DSC2: variants seen among roughly 807,000 people sequenced by gnomAD.
DSC2 encodes the protein desmocollin-2.
DSC2 carries 51 observed loss-of-function variants against 87.6 expected under a neutral mutation model. The ratio of observed to expected loss-of-function variants is 0.58; its 90% CI spans 0.46 to 0.74. DSC2 has a LOEUF of 0.74. DSC2 is among the 30% of genes least tolerant of loss of function. The pLI is 0.00. For missense variants in DSC2, 1,066 were observed against 1,089.5 expected, an observed-to-expected ratio of 0.98 and a Z score of 0.30; for synonymous variants, 383 against 393.2, an observed-to-expected ratio of 0.97 and a Z score of 0.31.
At chr18:31,101,156 T>C in intron 1 of DSC2, 1 of 982,530 alleles carries the variant, frequency 1.0e-6, no homozygotes, top group Non-Finnish European at 1.2e-6. Context: ...CCTTCCTTCC[T>C]CCGAAGATTT....
chr18:31,101,571 C>A (rs903641958), intron 1 of DSC2: 138 of 296,392 alleles, frequency 4.7e-4, no homozygotes, highest in Admixed American at 1.8e-3. Flanking sequence ...CCGACCCCGG[C>A]GCACTCCCGC....
intron 1 of DSC2, among the ~76,000 whole-genome samples, chr18:31,095,178 T>C (rs1987724800): frequency 1.3e-5 from 2 of 152,208 alleles, no homozygotes; most frequent in South Asian, 4.1e-4. Flanking sequence ...ACCAGTTTTC[T>C]AACCAGGGAA....
At chr18:31,091,192 T>C (rs1163125319) in intron 3 of DSC2, 45 bp from the exon 4 acceptor site, 1 of 1,607,708 alleles carries the variant, frequency 6.2e-7, no homozygotes, top group Admixed American at 1.7e-5. Context: ...AATGACTACT[T>C]TATTCTCAAA....
chr18:31,093,545 T>C lies in DSC2; in HGVS notation c.154+14A>G. Reference sequence around the variant, plus strand: ...GCAAAACAGGATTTATTACAAATTTTAGGGCTTCCTTACCTCTACCAACAA... The same window carrying C: ...GCAAAACAGGATTTATTACAAATTTCAGGGCTTCCTTACCTCTACCAACAA... On this transcript the variant is annotated intron_variant, in intron 2 of 15. Transcript: ENST00000280904. 6.3e-7 allele frequency: 1 copy of C among 1,591,874 alleles called. No individual in the cohort carries two copies.
rs1987267618 is a variant in DSC2, at chr18:31,082,784, C to G, written c.1077+142G>C. 6.6e-6 allele frequency: 6 copies of G among 907,594 alleles called. No individual in the cohort carries two copies. The South Asian group carries it at 8.8e-5, about 13-fold the overall frequency. The allele number at this position is 907,594 out of a possible 1,614,324, so 56.2% of individuals were successfully genotyped here. A position where few individuals can be genotyped will look rare whatever the true frequency, so the allele number is the denominator to read the frequency against. On this transcript the variant is annotated intron_variant, in intron 8 of 15. Coordinates refer to ENST00000280904, the MANE Select transcript of DSC2 (RefSeq NM_024422.6). ...TGTTGGCCAGGCTGTTCTCAAACTC[C>G]TGACCTCAGGTGATCCGCCCGCCTC...
At chr18:31,094,214 C>T (rs573846182) in intron 1 of DSC2, among the ~76,000 whole-genome samples, 63 of 152,180 alleles carry the variant, frequency 4.1e-4, no homozygotes, top group Admixed American at 2.3e-3. Context: ...TGTTTCAGTA[C>T]ATTTTTAATT....
intron 1 of DSC2, among the ~76,000 whole-genome samples, chr18:31,096,860 T>C (rs17799852): frequency 0.28 from 41,790 of 151,748 alleles, 6,160 homozygotes; most frequent in South Asian, 0.47. Flanking sequence ...GATAGGAAGA[T>C]GTAAAAAAAA....
chr18:31,082,522 A>T, intron 8 of DSC2, 99 bp from the exon 9 acceptor site: 1 of 1,096,094 alleles, frequency 9.1e-7, no homozygotes. Context: ...CCAAAGTACT[A>T]TGTTTACATG....
At position 31,091,131 on chromosome 18, in the gene DSC2, T is replaced by C. The variant is rs794728061; in HGVS notation, c.371A>G (p.His124Arg). 4 of 1,614,026 alleles carry C rather than the reference T, an allele frequency of 2.5e-6. No individual in the cohort carries two copies. The highest frequency in any genetic ancestry group is 2.2e-5 in the East Asian group (1 of 44,870). The change falls in exon 4 of 16, where the codon CAT becomes CGT. Residue 124 changes from histidine to arginine, a missense_variant. Physicochemically the swap from His to Arg is conservative, Grantham distance 29. Transcript: ENST00000280904. Reference sequence around the variant, plus strand: ...GCGCCTTAGAACTTTTTCTTTAGTATGTCTTTTCTTTAGGACCTCAATTCA... The same window carrying C: ...GCGCCTTAGAACTTTTTCTTTAGTACGTCTTTTCTTTAGGACCTCAATTCA... ...EHQTKVLKKR[H>R]TKEKVLRRAK...
At chr18:31,100,169 G>T (rs1334033662) in intron 1 of DSC2, among the ~76,000 whole-genome samples, 4 of 152,208 alleles carry the variant, frequency 2.6e-5, no homozygotes, top group African/African-American at 9.7e-5. Flanking sequence ...CCAGCAGAAT[G>T]AGAGTGTAGG....
At chr18:31,101,148 T>C in intron 1 of DSC2, 2 of 979,478 alleles carry the variant, frequency 2.0e-6, no homozygotes, top group Non-Finnish European at 2.4e-6. Flanking sequence ...AGAAAGACCC[T>C]TCCTTCCTCC....
chr18:31,085,312 G>C (rs899703992), intron 7 of DSC2, among the ~76,000 whole-genome samples: 1 of 151,688 alleles, frequency 6.6e-6, no homozygotes, highest in African/African-American at 2.4e-5. Context: ...AAAAACATTT[G>C]GAAAAATGCA....
In DSC2 at chr18:31,064,652, G is replaced by T. The variant is rs989641002; in HGVS notation, c.*3363C>A. 4 of 152,138 alleles carry T rather than the reference G, an allele frequency of 2.6e-5. No homozygotes were observed. Among genetic ancestry groups the T allele is most frequent in the Non-Finnish European group, 5.9e-5 (4 of 68,048 alleles). 9.4% of individuals were successfully genotyped at this position (152,138 alleles called of 1,614,324 possible). On this transcript the variant is annotated 3_prime_UTR_variant, in exon 16 of 16. Transcript: ENST00000280904. ...GTTTGAAGTGCTAGGTTAACAGGGG[G>T]CTCGCAGGGGAGCTGATATAAGAGC... is the stretch of plus-strand genomic sequence containing the variant.
Position 31,063,700 on chromosome 18 carries a change from T to TA in DSC2, c.*4314dup, listed in dbSNP as rs1202457307. On this transcript the variant is annotated 3_prime_UTR_variant, in exon 16 of 16. Coordinates refer to ENST00000280904, the MANE Select transcript of DSC2 (RefSeq NM_024422.6). ...CAACTTTATGATGGTGTCAAAGAAA[T>TA]ATGCATTCAGCATTCTCCTACACTT... 6.6e-6 allele frequency: 1 copy of TA among 152,156 alleles called. No homozygotes were observed. Among genetic ancestry groups the TA allele is most frequent in the African/African-American group, 2.4e-5 (1 of 41,446 alleles). 9.4% of individuals were successfully genotyped at this position (152,156 alleles called of 1,614,324 possible).
intron 7 of DSC2, 152 bp downstream of exon 7, chr18:31,086,424 A>G: frequency 2.2e-6 from 2 of 923,716 alleles, no homozygotes; most frequent in Non-Finnish European, 3.4e-6. Context: ...GCATACTCCA[A>G]GGTTATTTAG....
Position 31,068,927 on chromosome 18 carries a change from C to G in DSC2, c.2475G>C (p.Glu825Asp), listed in dbSNP as rs776401728. The change falls in exon 15 of 16, where the codon GAG becomes GAC. Residue 825 changes from glutamate (E) to aspartate (D), a missense_variant. By Grantham distance (45) the Glu-to-Asp change is conservative. Coordinates refer to ENST00000280904, the MANE Select transcript of DSC2 (RefSeq NM_024422.6). Reference sequence around the variant, plus strand: ...GACGGGGCTGAGTAAAACTGTGCCACTCCGAGTAAGTGTATCTGCAGTTGT... The same window carrying G: ...GACGGGGCTGAGTAAAACTGTGCCAGTCCGAGTAAGTGTATCTGCAGTTGT... ...EVDNCRYTYS[E>D]WHSFTQPRLG... 3.1e-6 allele frequency: 5 copies of G among 1,613,866 alleles called. No individual in the cohort carries two copies. In the Admixed American group the frequency reaches 8.3e-5, roughly 27 times the overall value.
In DSC2 at chr18:31,082,554, C is replaced by A. The variant is rs561235362; in HGVS notation, c.1078-131G>T. 42 of 859,052 alleles carry A rather than the reference C, an allele frequency of 4.9e-5. No individual in the cohort carries two copies. The African/African-American group carries it at 6.7e-4, about 14-fold the overall frequency. 53.2% of individuals were successfully genotyped at this position (859,052 alleles called of 1,614,324 possible). A position where few individuals can be genotyped will look rare whatever the true frequency, so the allele number is the denominator to read the frequency against. On this transcript the variant is annotated intron_variant, in intron 8 of 15. Transcript: ENST00000280904. ...CATGATTTGAAACCCTAGCACTATACAACTTTTAATGTCACTGGGGCACTT... is the reference window on the plus strand; with the variant it reads ...CATGATTTGAAACCCTAGCACTATAAAACTTTTAATGTCACTGGGGCACTT...
At chr18:31,069,714 C>CAAA (rs199681007) in intron 14 of DSC2, among the ~76,000 whole-genome samples, 4 of 85,300 alleles carry the variant, frequency 4.7e-5, no homozygotes, top group Non-Finnish European at 5.1e-5. Flanking sequence ...GATCTTGTCT[C>CAAA]AAAAAAAAAA....
At chr18:31,081,347 T>C (rs1301894787) in intron 9 of DSC2, among the ~76,000 whole-genome samples, 1 of 152,146 alleles carries the variant, frequency 6.6e-6, no homozygotes, top group Admixed American at 6.5e-5. Flanking sequence ...TGATATGTAG[T>C]TGTAATGAGA....
Sources: allele counts gnomAD v4.1 joint callset (sites outside exome capture counted in the v4.1 genomes callset), GRCh38; gene constraint gnomAD v4.1.1; transcripts MANE v1.5; gene names NCBI Gene and HGNC (gene_info 2026-07-23, HGNC 2026-07-21).